AFDN: variants seen among roughly 807,000 people sequenced by gnomAD.
AFDN encodes the protein afadin, adherens junction formation factor.
A neutral mutation model predicts 216.6 loss-of-function variants in AFDN; 68 were observed. That is an observed-to-expected ratio of 0.31 (90% CI 0.26 to 0.38). The LOEUF (loss-of-function observed/expected upper bound fraction) is 0.38, where lower values mean the gene tolerates loss of function less well. AFDN is among the 10% of genes least tolerant of loss of function. AFDN has a pLI of 1.00. For synonymous variants in AFDN, 868 were observed against 853.7 expected (o/e 1.02, Z -0.29); for missense variants, 2,136 against 2,342.0 (o/e 0.91, Z 1.82).
Position 167,917,138 on chromosome 6 carries a change from A to T in AFDN, c.2615A>T (p.Asn872Ile). The T allele has an allele frequency of 1.2e-6, 2 of 1,613,354 alleles. No homozygotes were observed. The highest frequency in any genetic ancestry group is 8.5e-7 in the Non-Finnish European group (1 of 1,179,816). Residue 872 changes from asparagine (N) to isoleucine (I), a missense_variant, in exon 20 of 34, where the codon AAT becomes ATT. Asn to Ile is a moderately radical substitution (Grantham distance 149). Coordinates refer to ENST00000683244, the MANE Select transcript of AFDN (RefSeq NM_001386888.1). Reference sequence around the variant, plus strand: ...AAGTATGCACCTGATGACATTCCAAATATAAACAGCACCTGCTTTAAGTTA... The same window carrying T: ...AAGTATGCACCTGATGACATTCCAATTATAAACAGCACCTGCTTTAAGTTA... ...MDKYAPDDIPNINSTCFKLNS... is the reference protein window; with the variant it reads ...MDKYAPDDIPIINSTCFKLNS...
At chr6:167,895,193 C>T (rs1249289876) in intron 9 of AFDN, among the ~76,000 whole-genome samples, 19 of 151,524 alleles carry the variant, frequency 1.3e-4, no homozygotes, top group Admixed American at 9.9e-4. Context: ...AATCATCATA[C>T]GATACGGTTA....
chr6:167,964,410 A>G, intron 31 of AFDN: 3 of 1,065,100 alleles, frequency 2.8e-6, no homozygotes, highest in Non-Finnish European at 3.4e-6. Context: ...TAAAAGCCAC[A>G]AGAAGTCATT....
chr6:167,854,441 A>G (rs1031166760), intron 1 of AFDN, among the ~76,000 whole-genome samples: 1 of 152,042 alleles, frequency 6.6e-6, no homozygotes, highest in Non-Finnish European at 1.5e-5. Context: ...GTGATATCAA[A>G]GTTTTACATT....
intron 31 of AFDN, chr6:167,963,485 G>A: frequency 9.5e-7 from 1 of 1,053,942 alleles, no homozygotes; most frequent in Non-Finnish European, 1.1e-6. Context: ...ACAGTGTACT[G>A]TTCACAGAAA....
At chr6:167,876,395 T>C (rs2128279321) in intron 5 of AFDN, among the ~76,000 whole-genome samples, 1 of 152,350 alleles carries the variant, frequency 6.6e-6, no homozygotes, top group African/African-American at 2.4e-5. Flanking sequence ...TTTGTCTTGT[T>C]CTGTCAAGAA....
At chr6:167,943,087 A>G (rs750135647) in intron 23 of AFDN, 42 bp from the exon 24 acceptor site, 2 of 1,545,894 alleles carry the variant, frequency 1.3e-6, no homozygotes, top group Non-Finnish European at 1.8e-6. Context: ...ATTTCTTACA[A>G]TATATCTTCA....
At chr6:167,949,515 C>A (rs1284910079) in intron 29 of AFDN, among the ~76,000 whole-genome samples, 1 of 152,198 alleles carries the variant, frequency 6.6e-6, no homozygotes, top group African/African-American at 2.4e-5. Context: ...GGCCTTTTGT[C>A]TGGTGTGCTG....
intron 1 of AFDN, among the ~76,000 whole-genome samples, chr6:167,851,257 AACAC>A (rs1417384062): frequency 1.3e-5 from 2 of 152,208 alleles, no homozygotes; most frequent in East Asian, 1.9e-4. Flanking sequence ...CATAAACACA[AACAC>A]ACACCTTTCT....
At chr6:167,882,602 G>A (rs1035786471) in intron 6 of AFDN, among the ~76,000 whole-genome samples, 1 of 152,094 alleles carries the variant, frequency 6.6e-6, no homozygotes, top group Non-Finnish European at 1.5e-5. Context: ...CCTTGATCTC[G>A]CCATTGCATT....
At chr6:167,948,108 A>ATACC in intron 28 of AFDN, 164 bp downstream of exon 28, 1 of 752,772 alleles carries the variant, frequency 1.3e-6, no homozygotes, top group Non-Finnish European at 2.1e-6. Flanking sequence ...CTAGTCAGGT[A>ATACC]AATCAGTTTT....
At chr6:167,950,854 CTT>C (rs562302204) in intron 29 of AFDN, among the ~76,000 whole-genome samples, 33 of 127,306 alleles carry the variant, frequency 2.6e-4, no homozygotes, top group Non-Finnish European at 3.7e-4. Flanking sequence ...TGCTTTTTTG[CTT>C]TTTTTTTTTT....
rs1792155654 is a variant in AFDN, at chr6:167,923,918, C to G, written c.3012+959C>G. On this transcript the variant is annotated intron_variant, in intron 22 of 33. Coordinates refer to ENST00000683244, the MANE Select transcript of AFDN (RefSeq NM_001386888.1). Reference sequence around the variant, plus strand: ...GGGATTACAGGCATGAGCCACCTCGCCCGGCCCCTAATACTTTTTATTGAC... The same window carrying G: ...GGGATTACAGGCATGAGCCACCTCGGCCGGCCCCTAATACTTTTTATTGAC... Among the ~76,000 whole-genome samples, 12 of 152,198 alleles carry G rather than the reference C, an allele frequency of 7.9e-5. No individual in the cohort carries two copies. The South Asian group carries it at 2.5e-3, about 32-fold the overall frequency.
chr6:167,947,263 T>C (rs1238791872), intron 27 of AFDN, among the ~76,000 whole-genome samples: 1 of 151,710 alleles, frequency 6.6e-6, no homozygotes, highest in Non-Finnish European at 1.5e-5. Flanking sequence ...AACTGCAAGC[T>C]CCACCTCCTG....
intron 30 of AFDN, among the ~76,000 whole-genome samples, chr6:167,954,290 G>T (rs1796285926): frequency 6.6e-6 from 1 of 152,136 alleles, no homozygotes; most frequent in Non-Finnish European, 1.5e-5. Flanking sequence ...TTCTGTTTCT[G>T]AATACTAGAA....
chr6:167,921,290 C>T (rs1432551360), intron 21 of AFDN, among the ~76,000 whole-genome samples: 1 of 152,178 alleles, frequency 6.6e-6, no homozygotes, highest in Non-Finnish European at 1.5e-5. Flanking sequence ...TCCCCATAAG[C>T]TCTCTTAAAT....
intron 1 of AFDN, among the ~76,000 whole-genome samples, chr6:167,853,503 TAA>T (rs1260550829): frequency 6.6e-6 from 1 of 152,068 alleles, no homozygotes; most frequent in Non-Finnish European, 1.5e-5. Flanking sequence ...GATAGAGAGT[TAA>T]GACTCATTCA....
In AFDN at chr6:167,943,980, A is replaced by G. The variant is rs1341195716; in HGVS notation, c.3279A>G (p.Thr1093=). The part of the protein sequence containing the change: ...ELMTRTSSVV[T]LEVAKQGAIY... ...TGACAAGAACAAGCTCTGTGGTGAC[A>G]CTGGAAGTAGCAAAGCAGGGTGCCA... The change falls in exon 26 of 34, where the codon ACA becomes ACG. Residue 1093 remains threonine, a synonymous_variant. Coordinates refer to ENST00000683244, the MANE Select transcript of AFDN (RefSeq NM_001386888.1). 1.2e-6 allele frequency: 2 copies of G among 1,614,086 alleles called. No individual in the cohort carries two copies. The highest frequency in any genetic ancestry group is 1.3e-5 in the African/African-American group (1 of 74,920).
At chr6:167,899,478 GTTTC>G (rs1212200513) in intron 11 of AFDN, among the ~76,000 whole-genome samples, 1 of 152,112 alleles carries the variant, frequency 6.6e-6, no homozygotes, top group African/African-American at 2.4e-5. Flanking sequence ...GCTTTTAACT[GTTTC>G]TTTCTGAAGG....
chr6:167,922,236 C>G (rs375170021), intron 21 of AFDN, among the ~76,000 whole-genome samples: 1 of 152,184 alleles, frequency 6.6e-6, no homozygotes, highest in Non-Finnish European at 1.5e-5. Flanking sequence ...TTTTACAAAG[C>G]ATGTCATTTG....
Sources: allele counts gnomAD v4.1 joint callset (sites outside exome capture counted in the v4.1 genomes callset), GRCh38; gene constraint gnomAD v4.1.1; transcripts MANE v1.5; gene names NCBI Gene and HGNC (gene_info 2026-07-23, HGNC 2026-07-21).